Variants in PAN3 observed in about 807,000 individuals in gnomAD.
PAN3 encodes the protein PAN2-PAN3 deadenylation complex subunit PAN3.
PAN3 carries 19 observed loss-of-function variants against 96.2 expected under a neutral mutation model. The ratio of observed to expected loss-of-function variants is 0.20; its 90% CI spans 0.14 to 0.29. The LOEUF is 0.29. Among genes scored for constraint, PAN3 ranks in the 10% least tolerant of loss-of-function variants. The pLI is 1.00. For synonymous variants in PAN3, 433 were observed against 406.6 expected (o/e 1.06, Z -0.78); for missense variants, 882 against 1,108.1 (o/e 0.80, Z 2.90).
At chr13:28,278,428 A>G (rs1037710338) in intron 15 of PAN3, among the ~76,000 whole-genome samples, 3 of 152,232 alleles carry the variant, frequency 2.0e-5, no homozygotes, top group African/African-American at 7.2e-5. Context: ...TTCAGGTTAT[A>G]ATCTCTAAAT....
intron 6 of PAN3, among the ~76,000 whole-genome samples, chr13:28,245,769 T>C (rs967085025): frequency 6.6e-6 from 1 of 152,168 alleles, no homozygotes; most frequent in Non-Finnish European, 1.5e-5. Flanking sequence ...AATAGAATCA[T>C]ATAATATGTG....
chr13:28,220,605 C>CA (rs1881299081), intron 6 of PAN3, among the ~76,000 whole-genome samples: 2 of 151,746 alleles, frequency 1.3e-5, no homozygotes, highest in Non-Finnish European at 2.9e-5. Context: ...ATATAAAACT[C>CA]ACAAAAAAAT....
At chr13:28,238,800 C>T (rs368085244) in intron 6 of PAN3, among the ~76,000 whole-genome samples, 2 of 151,708 alleles carry the variant, frequency 1.3e-5, no homozygotes, top group Non-Finnish European at 2.9e-5. Flanking sequence ...ATTTTTTCCC[C>T]TTTTTTTTCA....
At chr13:28,158,294 T>A (rs544717995) in intron 1 of PAN3, among the ~76,000 whole-genome samples, 1 of 152,218 alleles carries the variant, frequency 6.6e-6, no homozygotes, top group East Asian at 1.9e-4. Context: ...CAGCAAAGAT[T>A]TCATGAGGAA....
intron 18 of PAN3, among the ~76,000 whole-genome samples, chr13:28,291,541 TA>T (rs1869744278): frequency 6.6e-6 from 1 of 152,156 alleles, no homozygotes; most frequent in East Asian, 1.9e-4. Flanking sequence ...TAAAATCTTA[TA>T]AATTAGGCTG....
rs9513067 is a variant in PAN3, at chr13:28,292,873, T to C, written c.*351T>C. 157,674 of 158,040 alleles carry C rather than the reference T, an allele frequency of 1. 78,655 individuals carry two copies. The highest frequency in any genetic ancestry group is 1 in the Middle Eastern group (316 of 316). 9.8% of individuals were successfully genotyped at this position (158,040 alleles called of 1,614,324 possible). A position where few individuals can be genotyped will look rare whatever the true frequency, so the allele number is the denominator to read the frequency against. Reference sequence around the variant, plus strand: ...GAACTTTTGCCACATTGTATACTTATAATGGGAAACTTTGCAAGGACATTT... The same window carrying C: ...GAACTTTTGCCACATTGTATACTTACAATGGGAAACTTTGCAAGGACATTT... On this transcript the variant is annotated 3_prime_UTR_variant, in exon 19 of 19. Transcript: ENST00000380958.
At position 28,138,946 on chromosome 13, in the gene PAN3, G is replaced by T. The variant is rs765091877; in HGVS notation, c.289G>T (p.Gly97Cys). 2 of 1,326,242 alleles carry T rather than the reference G, an allele frequency of 1.5e-6. No individual in the cohort carries two copies. The highest frequency in any genetic ancestry group is 2.0e-4 in the Middle Eastern group (1 of 4,962). The allele number at this position is 1,326,242 out of a possible 1,614,324, so 82.2% of individuals were successfully genotyped here. A position where few individuals can be genotyped will look rare whatever the true frequency, so the allele number is the denominator to read the frequency against. ...PLALAGAPVAGFPPGAVAGGG... is the reference protein window; with the variant it reads ...PLALAGAPVACFPPGAVAGGG... Reference sequence around the variant, plus strand: ...GGCTCTGGCTGGTGCACCCGTGGCCGGCTTTCCGCCGGGAGCCGTCGCGGG... The same window carrying T: ...GGCTCTGGCTGGTGCACCCGTGGCCTGCTTTCCGCCGGGAGCCGTCGCGGG... The change falls in exon 1 of 19, where the codon GGC becomes TGC. Residue 97 changes from glycine (G) to cysteine (C), a missense_variant. This residue lies in a region of PAN3 where 442 missense variants were observed against 422.8 expected (regional missense o/e 1.05). Coordinates refer to ENST00000380958, the MANE Select transcript of PAN3 (RefSeq NM_175854.8).
At chr13:28,141,729 G>C (rs886739221) in intron 1 of PAN3, among the ~76,000 whole-genome samples, 2 of 151,908 alleles carry the variant, frequency 1.3e-5, no homozygotes, top group Non-Finnish European at 2.9e-5. Context: ...GGCCTCCTAG[G>C]GATTACTGGC....
At chr13:28,246,628 T>C (rs1325397035) in intron 6 of PAN3, among the ~76,000 whole-genome samples, 1 of 152,184 alleles carries the variant, frequency 6.6e-6, no homozygotes, top group Non-Finnish European at 1.5e-5. Context: ...TTTCTATCTC[T>C]ATGAGATCTA....
chr13:28,289,165 C>G (rs1869383353), intron 18 of PAN3, among the ~76,000 whole-genome samples: 1 of 152,092 alleles, frequency 6.6e-6, no homozygotes, highest in African/African-American at 2.4e-5. Context: ...ATAATAAAAG[C>G]ACAATACTAG....
chr13:28,138,947 G>A lies in PAN3; in HGVS notation c.290G>A (p.Gly97Asp). Residue 97 changes from glycine (G) to aspartate (D), a missense_variant, in exon 1 of 19, where the codon GGC becomes GAC. By Grantham distance (94) the Gly-to-Asp change is moderately conservative. Coordinates refer to ENST00000380958, the MANE Select transcript of PAN3 (RefSeq NM_175854.8). ...PLALAGAPVA[G>D]FPPGAVAGGG... ...GCTCTGGCTGGTGCACCCGTGGCCG[G>A]CTTTCCGCCGGGAGCCGTCGCGGGC... The A allele has an allele frequency of 2.3e-6, 3 of 1,322,360 alleles. No homozygotes were observed. The South Asian group carries it at 6.6e-5, about 29-fold the overall frequency. 81.9% of individuals were successfully genotyped at this position (1,322,360 alleles called of 1,614,324 possible).
chr13:28,277,405 A>G, intron 15 of PAN3, 29 bp downstream of exon 15: 2 of 1,585,648 alleles, frequency 1.3e-6, no homozygotes, highest in South Asian at 2.3e-5. Flanking sequence ...TAAATTGTAC[A>G]GAATGATTAT....
chr13:28,153,287 G>A (rs1871639363), intron 1 of PAN3, among the ~76,000 whole-genome samples: 1 of 143,790 alleles, frequency 7.0e-6, no homozygotes, highest in South Asian at 2.2e-4. Context: ...CCAGCCTGGA[G>A]TGCAATGGCG....
chr13:28,188,129 A>G (rs2138177109), intron 4 of PAN3, among the ~76,000 whole-genome samples: 1 of 152,288 alleles, frequency 6.6e-6, no homozygotes, highest in South Asian at 2.1e-4. Context: ...ATATGAATTT[A>G]TTTTCTTTTA....
intron 1 of PAN3, among the ~76,000 whole-genome samples, chr13:28,144,062 A>G (rs1287142138): frequency 6.6e-6 from 1 of 152,154 alleles, no homozygotes; most frequent in Admixed American, 6.6e-5. Flanking sequence ...TCACTCATTT[A>G]ATATCCTGCT....
At chr13:28,232,803 C>T (rs183269639) in intron 6 of PAN3, among the ~76,000 whole-genome samples, 109 of 151,926 alleles carry the variant, frequency 7.2e-4, no homozygotes, top group Non-Finnish European at 1.4e-3. Context: ...TATCCAAAAA[C>T]TTTTTTTTAA....
chr13:28,287,739 A>C (rs1436595427), intron 17 of PAN3, among the ~76,000 whole-genome samples: 1 of 152,240 alleles, frequency 6.6e-6, no homozygotes, highest in Non-Finnish European at 1.5e-5. Context: ...AGGGGCTGAA[A>C]TAAGGAGGTA....
chr13:28,215,256 C>T, intron 5 of PAN3: 1 of 708,444 alleles, frequency 1.4e-6, no homozygotes, highest in Non-Finnish European at 2.6e-6. Context: ...GTCCTTGCAC[C>T]AGCCTCTCCA....
intron 1 of PAN3, among the ~76,000 whole-genome samples, chr13:28,152,244 A>G (rs1033198092): frequency 2.0e-5 from 3 of 152,186 alleles, no homozygotes; most frequent in African/African-American, 4.8e-5. Context: ...TAATAAGCAA[A>G]CAATTACAAA....
Sources: gnomAD v4.1 joint callset for allele counts (sites outside exome capture counted in the v4.1 genomes callset) on GRCh38, gnomAD v4.1.1 for gene constraint, gnomAD v4.1.1 regional missense constraint, MANE v1.5 for transcripts, NCBI Gene and HGNC (gene_info 2026-07-23, HGNC 2026-07-21) for gene names.